Variants in ELAVL1 observed in about 807,000 individuals in gnomAD.
The protein encoded by ELAVL1 is ELAV like RNA binding protein 1, also known as ELAV-like protein 1.
Under a neutral mutation model 28.4 loss-of-function variants are expected in ELAVL1, and 1 was observed. The ratio of observed to expected loss-of-function variants is 0.04; its 90% CI spans 0.01 to 0.17. The LOEUF (loss-of-function observed/expected upper bound fraction) is 0.17. ELAVL1 is among the 10% of genes least tolerant of loss of function. The pLI is 1.00. For missense variants in ELAVL1, 157 were observed against 447.2 expected (o/e 0.35, Z 5.85); for synonymous variants, 174 against 183.5 (o/e 0.95, Z 0.42).
At chr19:7,986,762 G>A (rs114364310) in intron 2 of ELAVL1, among the ~76,000 whole-genome samples, 23,448 of 152,172 alleles carry the variant, frequency 0.15, 2,171 homozygotes, top group Non-Finnish European at 0.21. Context: ...ATGGGATCGC[G>A]AGATGTTCAG....
intron 4 of ELAVL1, among the ~76,000 whole-genome samples, chr19:7,968,022 T>G (rs1165898712): frequency 6.6e-6 from 1 of 152,156 alleles, no homozygotes; most frequent in Non-Finnish European, 1.5e-5. Context: ...GACTCCACAG[T>G]GTTGGCGCCC....
At chr19:7,980,213 G>A (rs570359454) in intron 3 of ELAVL1, among the ~76,000 whole-genome samples, 51 of 152,290 alleles carry the variant, frequency 3.3e-4, no homozygotes, top group African/African-American at 1.0e-3. Context: ...CACTGAGGGC[G>A]GGTGGGTGCA....
At chr19:7,987,045 G>A (rs1432962656) in intron 2 of ELAVL1, among the ~76,000 whole-genome samples, 1 of 146,352 alleles carries the variant, frequency 6.8e-6, no homozygotes, top group African/African-American at 2.5e-5. Flanking sequence ...AGTCCGGAAG[G>A]ACATTCCTGC....
chr19:8,002,260 C>T (rs1054193710), intron 1 of ELAVL1: 1 of 530,058 alleles, frequency 1.9e-6, no homozygotes, highest in South Asian at 1.7e-5. Flanking sequence ...TCCTCCCCAC[C>T]GCTACTGCCT....
chr19:7,986,147 C>T (rs1021469824), intron 2 of ELAVL1, among the ~76,000 whole-genome samples: 2 of 152,224 alleles, frequency 1.3e-5, no homozygotes, highest in Non-Finnish European at 2.9e-5. Context: ...TCCCTCCATG[C>T]TTCTTGCAGC....
rs1599660874 is a variant in ELAVL1 at position 7,960,456 on chromosome 19, A to C, written c.*3027T>G. The C allele has an allele frequency of 1.3e-5, 2 of 152,376 alleles. No individual in the cohort carries two copies. The highest frequency in any genetic ancestry group is 4.1e-4 in the South Asian group (2 of 4,830). The allele number at this position is 152,376 out of a possible 1,614,324, so 9.4% of individuals were successfully genotyped here. A position where few individuals can be genotyped will look rare whatever the true frequency, so the allele number is the denominator to read the frequency against. On this transcript the variant is annotated 3_prime_UTR_variant, in exon 6 of 6. Transcript: ENST00000407627. ...GAGGGGACTCAGCACCCGGGAGGGA[A>C]TCAGTCACAGAGCTGCGACTAGAGG... is the stretch of plus-strand genomic sequence containing the variant.
chr19:7,990,013 T>C (rs887673133), intron 2 of ELAVL1, among the ~76,000 whole-genome samples: 2 of 152,226 alleles, frequency 1.3e-5, no homozygotes, highest in Admixed American at 6.5e-5. Context: ...TGTTTCATAA[T>C]AGAAACTTTT....
intron 2 of ELAVL1, among the ~76,000 whole-genome samples, chr19:7,991,042 C>T (rs1262105655): frequency 1.3e-5 from 2 of 152,236 alleles, no homozygotes; most frequent in African/African-American, 4.8e-5. Flanking sequence ...AGAAGTCCCA[C>T]TGTGAGGGAG....
intron 3 of ELAVL1, among the ~76,000 whole-genome samples, chr19:7,978,748 G>GT (rs1213180935): frequency 6.6e-6 from 1 of 152,164 alleles, no homozygotes; most frequent in Non-Finnish European, 1.5e-5. Flanking sequence ...GGGGCCTGGG[G>GT]TCCCCCAAAG....
chr19:7,999,570 C>T (rs1333970511), intron 1 of ELAVL1, among the ~76,000 whole-genome samples: 3 of 152,118 alleles, frequency 2.0e-5, no homozygotes, highest in Non-Finnish European at 2.9e-5. Context: ...TAAGAGTCCC[C>T]AGGCAAAGCC....
Position 7,981,835 on chromosome 19 carries a change from GGACA to G in ELAVL1, c.173-653_173-650del, listed in dbSNP as rs61370163. Among the ~76,000 whole-genome samples the G allele has an allele frequency of 0.061, 9,277 of 152,242 alleles. 294 individuals are homozygous for G. The highest frequency in any genetic ancestry group is 0.07 in the Non-Finnish European group (4,735 of 68,022). On this transcript the variant is annotated intron_variant, in intron 2 of 5. Transcript: ENST00000407627. This position sits in a 1 kb window ranked among gnomAD's most constrained non-coding sequence, Gnocchi z 4.2. ...TGAGGATGAGGAAGGCCACGGCAGTGGACAGGCTGGTGGGACCCCAGTTTGTGTC... is the reference window on the plus strand; with the variant it reads ...TGAGGATGAGGAAGGCCACGGCAGTGGGCTGGTGGGACCCCAGTTTGTGTC...
intron 1 of ELAVL1, among the ~76,000 whole-genome samples, chr19:7,995,172 A>G (rs896781726): frequency 3.7e-4 from 56 of 152,208 alleles, no homozygotes; most frequent in African/African-American, 1.2e-3. Context: ...GCTCAAAAAC[A>G]AACAAACAGA....
At chr19:8,001,228 C>T (rs952330494) in intron 1 of ELAVL1, among the ~76,000 whole-genome samples, 4 of 152,180 alleles carry the variant, frequency 2.6e-5, no homozygotes, top group Non-Finnish European at 5.9e-5. Context: ...ACCTTCATCT[C>T]CTCTCCTCCT....
intron 2 of ELAVL1, among the ~76,000 whole-genome samples, chr19:7,987,735 T>A (rs1334185546): frequency 3.3e-5 from 5 of 152,192 alleles, no homozygotes; most frequent in African/African-American, 1.2e-4. Context: ...ACTGGCTATG[T>A]CTAGGGCTAC....
chr19:7,964,965 G>A (rs975344684), intron 5 of ELAVL1, among the ~76,000 whole-genome samples: 2 of 152,232 alleles, frequency 1.3e-5, no homozygotes, highest in African/African-American at 4.8e-5. Context: ...GGCCCTATCA[G>A]CCAAGCGCAG....
chr19:7,985,296 G>A lies in ELAVL1; in HGVS notation c.173-4110C>T, dbSNP rs150444610. Among the ~76,000 whole-genome samples, 48 of 152,360 alleles carry A rather than the reference G, an allele frequency of 3.2e-4. 1 individual carries two copies. Among genetic ancestry groups the A allele is most frequent in the African/African-American group, 1.1e-3 (45 of 41,588 alleles). ...GGGCTTCCCATGGTTATGCAGAGGA[G>A]AGGAGGCCTCCAGAGGAGAAGTGCA... On this transcript the variant is annotated intron_variant, in intron 2 of 5. Transcript: ENST00000407627.
At position 7,979,333 on chromosome 19, in the gene ELAVL1, G is replaced by A. The variant is rs1397882819; in HGVS notation, c.276+1750C>T. ...CACCTGCCCAGGCCTGGGCCCCTGG[G>A]GTCCCGTGAGGCTCTGGCTCCAAAC... On this transcript the variant is annotated intron_variant, in intron 3 of 5. Transcript: ENST00000407627. The surrounding 1 kb of genome is among the most constrained non-coding windows in gnomAD (Gnocchi z 5.4). 2.0e-5 allele frequency among the ~76,000 whole-genome samples: 3 copies of A among 152,210 alleles called. No homozygotes were observed. The highest frequency in any genetic ancestry group is 7.2e-5 in the African/African-American group (3 of 41,466).
intron 1 of ELAVL1, among the ~76,000 whole-genome samples, chr19:8,003,288 C>T (rs1195045263): frequency 7.8e-6 from 1 of 128,694 alleles, no homozygotes; most frequent in East Asian, 2.5e-4. Flanking sequence ...ACTTGGGAGG[C>T]TGAGGTTGCA....
At position 7,963,834 on chromosome 19, in the gene ELAVL1, C is replaced by A; in HGVS notation, c.657-27G>T. 6.2e-7 allele frequency: 1 copy of A among 1,605,138 alleles called. No homozygotes were observed. The highest frequency in any genetic ancestry group is 8.5e-7 in the Non-Finnish European group (1 of 1,174,744). Reference sequence around the variant, plus strand: ...TGGCAGACAGAGAGCAAGCGTCAGGCCACGGTCAGCGCAGGCGGCCTGGGG... The same window carrying A: ...TGGCAGACAGAGAGCAAGCGTCAGGACACGGTCAGCGCAGGCGGCCTGGGG... On this transcript the variant is annotated intron_variant, in intron 5 of 5. Coordinates refer to ENST00000407627, the MANE Select transcript of ELAVL1 (RefSeq NM_001419.3). The surrounding 1 kb of genome is among the most constrained non-coding windows in gnomAD (Gnocchi z 4.5).
Sources: allele counts gnomAD v4.1 joint callset (sites outside exome capture counted in the v4.1 genomes callset), GRCh38; gene constraint gnomAD v4.1.1; non-coding constraint Gnocchi (gnomAD v3.1); transcripts MANE v1.5; gene names NCBI Gene and HGNC (gene_info 2026-07-23, HGNC 2026-07-21).